SCAPER: variants seen among roughly 807,000 people sequenced by gnomAD.
SCAPER encodes the protein S phase cyclin A-associated protein in the endoplasmic reticulum.
SCAPER carries 98 observed loss-of-function variants against 182.2 expected under a neutral mutation model. The observed-to-expected ratio is 0.54, with a 90% CI of 0.46 to 0.64. The LOEUF (loss-of-function observed/expected upper bound fraction) is 0.64, where lower values mean the gene tolerates loss of function less well. SCAPER is among the 30% of genes least tolerant of loss of function. The probability of loss-of-function intolerance (pLI) is 0.00; values close to 1 mark genes in which losing one functional copy is unlikely to be tolerated. For synonymous variants in SCAPER, 605 were observed against 564.6 expected, an observed-to-expected ratio of 1.07 and a Z score of -1.01; for missense variants, 1,432 against 1,690.0, an observed-to-expected ratio of 0.85 and a Z score of 2.68.
chr15:76,765,748 A>G, intron 11 of SCAPER, 110 bp from the exon 12 acceptor site: 2 of 932,176 alleles, frequency 2.1e-6, no homozygotes, highest in East Asian at 2.6e-5. Context: ...ATTCTATTTA[A>G]CCAACAGTTG....
intron 5 of SCAPER, among the ~76,000 whole-genome samples, chr15:76,810,760 G>A (rs1340393349): frequency 6.6e-6 from 1 of 151,738 alleles, no homozygotes; most frequent in Non-Finnish European, 1.5e-5. Flanking sequence ...CAAAAATAAT[G>A]GTTAAAAAAC....
chr15:76,861,946 C>G (rs1461272379), intron 3 of SCAPER: 1 of 152,222 alleles, frequency 6.6e-6, no homozygotes, highest in Non-Finnish European at 1.5e-5. Context: ...AGGAGAAGTA[C>G]CGAGCTTAGG....
At chr15:76,727,619 C>A (rs1320603863) in intron 17 of SCAPER, among the ~76,000 whole-genome samples, 1 of 151,858 alleles carries the variant, frequency 6.6e-6, no homozygotes, top group East Asian at 1.9e-4. Flanking sequence ...AAAGATAAAA[C>A]TATAAAATTT....
rs150764087 is a variant in SCAPER, at chr15:76,894,025, C to T, written c.-59-10149G>A. On this transcript the variant is annotated intron_variant, in intron 1 of 31. Transcript: ENST00000563290. Reference sequence around the variant, plus strand: ...CAGCCCTTTGGGAGGCCGAGGCGGGCGGATCACCTGCGGTCAGGAGTTCAA... The same window carrying T: ...CAGCCCTTTGGGAGGCCGAGGCGGGTGGATCACCTGCGGTCAGGAGTTCAA... Among the ~76,000 whole-genome samples, 1,476 of 152,150 alleles carry T rather than the reference C, an allele frequency of 9.7e-3. 10 individuals carry two copies. The highest frequency in any genetic ancestry group is 0.016 in the Non-Finnish European group (1,087 of 68,014).
At chr15:76,505,468 C>T (rs552940246) in intron 23 of SCAPER, among the ~76,000 whole-genome samples, 1 of 152,234 alleles carries the variant, frequency 6.6e-6, no homozygotes, top group African/African-American at 2.4e-5. Flanking sequence ...AGAAGACATA[C>T]AGATGGCAAA....
intron 20 of SCAPER, among the ~76,000 whole-genome samples, chr15:76,673,950 TATACACACAC>T (rs988134323): frequency 2.6e-5 from 2 of 76,970 alleles, no homozygotes; most frequent in African/African-American, 4.2e-5. Context: ...ATAATTTATC[TATACACACAC>T]ACACACACAC....
chr15:76,793,270 A>C, intron 8 of SCAPER: 156 of 939,726 alleles, frequency 1.7e-4, no homozygotes, highest in Non-Finnish European at 2.4e-4. Context: ...TCTTCATCTC[A>C]AGTCTCCTGG....
rs557877183 is a variant in SCAPER at position 76,469,895 on chromosome 15, AT to A, written c.3078+1316del. On this transcript the variant is annotated intron_variant, in intron 25 of 31. Transcript: ENST00000563290. Reference sequence around the variant, plus strand: ...CTGCCTTTCAAATATTTCTGATAGAATTTTTTTTTTGCTAAAATATCTTACT... The same window carrying A: ...CTGCCTTTCAAATATTTCTGATAGAATTTTTTTTTGCTAAAATATCTTACT... Among the ~76,000 whole-genome samples the A allele has an allele frequency of 2.1e-3, 312 of 149,862 alleles. 1 individual carries two copies. Among genetic ancestry groups the A allele is most frequent in the Non-Finnish European group, 3.0e-3 (205 of 67,446 alleles).
rs867580388 is a variant in SCAPER, at chr15:76,656,632, A to G, written c.2645+9021T>C. On this transcript the variant is annotated intron_variant, in intron 21 of 31. Coordinates refer to ENST00000563290, the MANE Select transcript of SCAPER (RefSeq NM_020843.4). ...CTGCACAAGGCACATGGTCTAAATCACCCACACAGTGAGCCATAAAACAAT... is the reference window on the plus strand; with the variant it reads ...CTGCACAAGGCACATGGTCTAAATCGCCCACACAGTGAGCCATAAAACAAT... 4.6e-5 allele frequency among the ~76,000 whole-genome samples: 7 copies of G among 152,084 alleles called. No individual in the cohort carries two copies. The South Asian group carries it at 1.2e-3, about 27-fold the overall frequency.
At chr15:76,769,050 A>T (rs920103195) in intron 10 of SCAPER, among the ~76,000 whole-genome samples, 1 of 152,202 alleles carries the variant, frequency 6.6e-6, no homozygotes, top group Non-Finnish European at 1.5e-5. Context: ...CAGAGTGAAC[A>T]GGCAACCTAC....
chr15:76,846,937 G>T (rs1454161305), intron 4 of SCAPER, among the ~76,000 whole-genome samples: 1 of 151,974 alleles, frequency 6.6e-6, no homozygotes, highest in Non-Finnish European at 1.5e-5. Context: ...AAACAGCCAA[G>T]ATTTGGAAGG....
chr15:76,524,812 T>C (rs1369382088), intron 23 of SCAPER, among the ~76,000 whole-genome samples: 1 of 150,100 alleles, frequency 6.7e-6, no homozygotes, highest in Admixed American at 6.7e-5. Context: ...GGAATAAATA[T>C]GAATGGTAGG....
intron 22 of SCAPER, among the ~76,000 whole-genome samples, chr15:76,608,800 C>T (rs867715239): frequency 1.4e-4 from 22 of 152,216 alleles, no homozygotes; most frequent in South Asian, 1.2e-3. Context: ...AGTGAGACTC[C>T]GTTGGGGTAG....
At chr15:76,727,881 G>C (rs1294420201) in intron 17 of SCAPER, among the ~76,000 whole-genome samples, 1 of 151,592 alleles carries the variant, frequency 6.6e-6, no homozygotes, top group Non-Finnish European at 1.5e-5. Flanking sequence ...ATACAGGAAT[G>C]AACAAAAATT....
chr15:76,440,012 T>C (rs1385261996), intron 25 of SCAPER, among the ~76,000 whole-genome samples: 5 of 152,246 alleles, frequency 3.3e-5, no homozygotes, highest in South Asian at 4.1e-4. Flanking sequence ...TTCATGTACA[T>C]AATCTTATTG....
intron 25 of SCAPER, among the ~76,000 whole-genome samples, chr15:76,466,419 CTTTTTTTTTTTTTT>C: frequency 2.7e-5 from 1 of 37,394 alleles, no homozygotes; most frequent in Non-Finnish European, 5.4e-5. Flanking sequence ...GTTGGTTCTT[CTTTTTTTTTTTTTT>C]TTTTTTTTTG....
At chr15:76,644,146 C>A (rs2468125) in intron 21 of SCAPER, among the ~76,000 whole-genome samples, 149,000 of 152,252 alleles carry the variant, frequency 0.98, 72,983 homozygotes, top group South Asian at 1. Context: ...AAGGTATATA[C>A]GATCAAAACT....
chr15:76,806,727 T>G (rs1453131902), intron 5 of SCAPER, among the ~76,000 whole-genome samples: 1 of 152,214 alleles, frequency 6.6e-6, no homozygotes, highest in African/African-American at 2.4e-5. Context: ...CTTACAATGA[T>G]TTTTCGTAGT....
intron 22 of SCAPER, among the ~76,000 whole-genome samples, chr15:76,575,565 C>G (rs906687557): frequency 1.3e-5 from 2 of 152,218 alleles, no homozygotes; most frequent in African/African-American, 2.4e-5. Context: ...AATTTCACCA[C>G]ACAGGATGTA....
Sources: gnomAD v4.1 joint callset for allele counts (sites outside exome capture counted in the v4.1 genomes callset) on GRCh38, gnomAD v4.1.1 for gene constraint, MANE v1.5 for transcripts, NCBI Gene and HGNC (gene_info 2026-07-23, HGNC 2026-07-21) for gene names.